The following GLCE variants were observed in gnomAD, a reference collection of about 807,000 sequenced individuals.
The protein encoded by GLCE is D-glucuronyl C5-epimerase.
GLCE carries 19 observed loss-of-function variants against 47.9 expected under a neutral mutation model. The ratio of observed to expected loss-of-function variants is 0.40; its 90% CI spans 0.28 to 0.58. GLCE has a LOEUF of 0.58. Ranked by LOEUF, GLCE falls within the 20% of genes least tolerant of loss-of-function variation. The pLI is 0.48. For synonymous variants in GLCE, 245 were observed against 263.4 expected (o/e 0.93, Z 0.68); for missense variants, 556 against 743.3 (o/e 0.75, Z 2.93).
chr15:69,200,459 G>T (rs2052062329), intron 1 of GLCE, among the ~76,000 whole-genome samples: 1 of 152,106 alleles, frequency 6.6e-6, no homozygotes, highest in Admixed American at 6.6e-5. Context: ...TATACTTTTG[G>T]ATATAAAGCT....
intron 1 of GLCE, among the ~76,000 whole-genome samples, chr15:69,209,054 A>C (rs189095868): frequency 2.1e-4 from 32 of 151,982 alleles, no homozygotes; most frequent in Admixed American, 2.0e-3. Flanking sequence ...TGATTCGGCT[A>C]TTGAGCTCAT....
intron 2 of GLCE, among the ~76,000 whole-genome samples, chr15:69,231,367 T>G (rs1339824437): frequency 6.6e-6 from 1 of 150,690 alleles, no homozygotes; most frequent in African/African-American, 2.4e-5. Context: ...CACTGTAAAC[T>G]CCACCTCCCG....
At chr15:69,193,471 A>C (rs1367221574) in intron 1 of GLCE, among the ~76,000 whole-genome samples, 2 of 152,142 alleles carry the variant, frequency 1.3e-5, no homozygotes, top group Non-Finnish European at 1.5e-5. Flanking sequence ...GTAATGTGTG[A>C]AAATGTCAAG....
At position 69,208,320 on chromosome 15, in the gene GLCE, G is replaced by A. The variant is rs530858271; in HGVS notation, c.-104-1996G>A. ...TTGAGTGAATTTTTGTATAACATGA[G>A]GGTTTAGGTGAAATTTTATTTTTTT... On this transcript the variant is annotated intron_variant, in intron 1 of 4. Transcript: ENST00000261858. Among the ~76,000 whole-genome samples the A allele has an allele frequency of 5.7e-4, 87 of 152,098 alleles. 1 individual carries two copies. Among genetic ancestry groups the A allele is most frequent in the South Asian group, 5.0e-3 (24 of 4,810 alleles).
intron 1 of GLCE, among the ~76,000 whole-genome samples, chr15:69,173,230 TA>T (rs1227451891): frequency 6.6e-6 from 1 of 152,244 alleles, no homozygotes; most frequent in Non-Finnish European, 1.5e-5. Flanking sequence ...TAGGCATTGA[TA>T]AACAGTGTAG....
chr15:69,168,166 T>G (rs1428941224), intron 1 of GLCE, among the ~76,000 whole-genome samples: 2 of 152,154 alleles, frequency 1.3e-5, no homozygotes, highest in African/African-American at 4.8e-5. Context: ...GACACGGTGA[T>G]GCATGCCTGT....
chr15:69,171,388 T>C (rs2051585667), intron 1 of GLCE, among the ~76,000 whole-genome samples: 1 of 151,322 alleles, frequency 6.6e-6, no homozygotes, highest in South Asian at 2.1e-4. Context: ...TATTTACTTT[T>C]GGGATATATT....
chr15:69,259,842 G>T (rs2052986357), intron 3 of GLCE, among the ~76,000 whole-genome samples: 1 of 152,156 alleles, frequency 6.6e-6, no homozygotes, highest in South Asian at 2.1e-4. Context: ...CTTATCTGTA[G>T]CCTACCTAAT....
intron 1 of GLCE, among the ~76,000 whole-genome samples, chr15:69,172,851 A>G (rs113386343): frequency 2.6e-5 from 4 of 152,198 alleles, no homozygotes; most frequent in African/African-American, 7.2e-5. Context: ...CTTATTTCTA[A>G]TAGTTAAAAA....
rs2053124852 is a variant in GLCE at position 69,268,929 on chromosome 15, G to T, written c.1539G>T (p.Met513Ile). Reference protein sequence around the residue: ...TPSSFVLNGFMYSLIGLYDLK... With the variant: ...TPSSFVLNGFIYSLIGLYDLK... Reference sequence around the variant, plus strand: ...GCTCTTTTGTTTTAAATGGCTTTATGTATTCTTTAATTGGGCTGTATGACT... The same window carrying T: ...GCTCTTTTGTTTTAAATGGCTTTATTTATTCTTTAATTGGGCTGTATGACT... Residue 513 changes from methionine to isoleucine, a missense_variant, in exon 5 of 5, where the codon ATG (methionine) becomes ATT (isoleucine). Around this residue, in one of 3 missense-constraint regions of GLCE, gnomAD observed 245 missense variants for 368.1 expected, o/e 0.67. Transcript: ENST00000261858. 2.5e-6 allele frequency: 4 copies of T among 1,614,006 alleles called. No individual in the cohort carries two copies. The highest frequency in any genetic ancestry group is 3.4e-6 in the Non-Finnish European group (4 of 1,179,982).
chr15:69,222,831 G>A (rs936434801), intron 2 of GLCE, among the ~76,000 whole-genome samples: 4 of 152,028 alleles, frequency 2.6e-5, no homozygotes, highest in African/African-American at 9.7e-5. Flanking sequence ...TATAGTGAAA[G>A]GTTTAAAATA....
At chr15:69,202,539 T>C (rs2052090501) in intron 1 of GLCE, among the ~76,000 whole-genome samples, 1 of 152,116 alleles carries the variant, frequency 6.6e-6, no homozygotes, top group African/African-American at 2.4e-5. Flanking sequence ...TTAAATGCCT[T>C]CTAAAAGACA....
At chr15:69,240,434 A>G (rs73437111) in intron 2 of GLCE, among the ~76,000 whole-genome samples, 5,528 of 152,268 alleles carry the variant, frequency 0.036, 329 homozygotes, top group African/African-American at 0.13. Context: ...CTTCTGTAAC[A>G]AGAAAATTGT....
intron 2 of GLCE, among the ~76,000 whole-genome samples, chr15:69,234,555 G>A (rs2052569315): frequency 6.6e-6 from 1 of 152,000 alleles, no homozygotes; most frequent in Admixed American, 6.6e-5. Flanking sequence ...ATATTTATAT[G>A]CCTTAAGAAA....
intron 1 of GLCE, among the ~76,000 whole-genome samples, chr15:69,179,883 A>C (rs2051726898): frequency 6.6e-6 from 1 of 152,144 alleles, no homozygotes. Context: ...GCTACTCAGG[A>C]GGCTGAGGCA....
rs1177629436 is a variant in GLCE, at chr15:69,165,526, T to A, written c.-105+4769T>A. ...TCTGCTTTTTTTTTTTTTTTTTTTT[T>A]AGCTCTTTTTTAGTTACCATTTTTT... On this transcript the variant is annotated intron_variant, in intron 1 of 4. Coordinates refer to ENST00000261858, the MANE Select transcript of GLCE (RefSeq NM_015554.3). Among the ~76,000 whole-genome samples the A allele has an allele frequency of 1.8e-3, 266 of 147,600 alleles. 2 individuals are homozygous for A. Among genetic ancestry groups the A allele is most frequent in the African/African-American group, 6.1e-3 (242 of 39,664 alleles).
At chr15:69,170,702 G>A (rs1404447159) in intron 1 of GLCE, among the ~76,000 whole-genome samples, 1 of 152,218 alleles carries the variant, frequency 6.6e-6, no homozygotes, top group East Asian at 1.9e-4. Flanking sequence ...AAAGGGTCTA[G>A]CTATGATTCG....
intron 1 of GLCE, among the ~76,000 whole-genome samples, chr15:69,165,969 T>G (rs947282975): frequency 6.6e-6 from 1 of 152,200 alleles, no homozygotes; most frequent in African/African-American, 2.4e-5. Flanking sequence ...CTTCTCGCAC[T>G]TTAAGAGGTG....
intron 1 of GLCE, among the ~76,000 whole-genome samples, chr15:69,177,019 A>C (rs1312165064): frequency 2.0e-5 from 3 of 150,984 alleles, no homozygotes; most frequent in African/African-American, 7.3e-5. Context: ...GGAACATTTC[A>C]TATTTGCTTT....
Sources: gnomAD v4.1 joint callset for allele counts (sites outside exome capture counted in the v4.1 genomes callset) on GRCh38, gnomAD v4.1.1 for gene constraint, gnomAD v4.1.1 regional missense constraint, MANE v1.5 for transcripts, NCBI Gene and HGNC (gene_info 2026-07-23, HGNC 2026-07-21) for gene names.